SLX4IP: variants seen among roughly 807,000 people sequenced by gnomAD.
The protein encoded by SLX4IP is SLX4 interacting protein.
SLX4IP carries 34 observed loss-of-function variants against 32.9 expected under a neutral mutation model. The ratio of observed to expected loss-of-function variants is 1.03; its 90% CI spans 0.79 to 1.38. The LOEUF is 1.38. Among genes scored for constraint, SLX4IP ranks in the 40% most tolerant of loss-of-function variants. SLX4IP has a pLI of 0.00. For missense variants in SLX4IP, 444 were observed against 479.0 expected (o/e 0.93, Z 0.68); for synonymous variants, 172 against 171.7 (o/e 1.00, Z -0.01).
intron 2 of SLX4IP, among the ~76,000 whole-genome samples, chr20:10,530,296 C>CAG (rs2065977809): frequency 6.6e-6 from 1 of 152,130 alleles, no homozygotes; most frequent in Non-Finnish European, 1.5e-5. Flanking sequence ...TTAGATAATC[C>CAG]AGTGAATCTT....
chr20:10,561,217 ATTTC>A (rs1251974147), intron 4 of SLX4IP, among the ~76,000 whole-genome samples: 1 of 152,116 alleles, frequency 6.6e-6, no homozygotes, highest in Admixed American at 6.5e-5. Context: ...AGCATTTATC[ATTTC>A]TTTGTGTTGT....
chr20:10,588,324 T>C (rs778442573), intron 4 of SLX4IP, among the ~76,000 whole-genome samples: 12 of 152,172 alleles, frequency 7.9e-5, no homozygotes, highest in Non-Finnish European at 2.9e-5. Flanking sequence ...CTCATACCTG[T>C]TAGAATGGCT....
chr20:10,515,459 A>G (rs2065842293), intron 2 of SLX4IP, among the ~76,000 whole-genome samples: 1 of 152,182 alleles, frequency 6.6e-6, no homozygotes, highest in Admixed American at 6.5e-5. Context: ...GTTGCTTTCC[A>G]AAGCTCAGAA....
intron 2 of SLX4IP, among the ~76,000 whole-genome samples, chr20:10,480,175 T>TC (rs1362661096): frequency 2.0e-5 from 3 of 152,182 alleles, no homozygotes; most frequent in Non-Finnish European, 4.4e-5. Flanking sequence ...GGCAGAACGC[T>TC]TGAACCCAGG....
At chr20:10,523,430 CT>C (rs2065915449) in intron 2 of SLX4IP, among the ~76,000 whole-genome samples, 1 of 152,196 alleles carries the variant, frequency 6.6e-6, no homozygotes, top group African/African-American at 2.4e-5. Flanking sequence ...CAATTGACCT[CT>C]GTATATAGAC....
At chr20:10,565,965 C>A (rs1453148769) in intron 4 of SLX4IP, among the ~76,000 whole-genome samples, 2 of 152,218 alleles carry the variant, frequency 1.3e-5, no homozygotes, top group Non-Finnish European at 2.9e-5. Context: ...TGCCAACAAA[C>A]CTTAAATAAA....
chr20:10,482,146 TC>T (rs1477079493), intron 2 of SLX4IP, among the ~76,000 whole-genome samples: 6 of 152,338 alleles, frequency 3.9e-5, no homozygotes, highest in African/African-American at 1.4e-4. Flanking sequence ...GAAGCTGTCT[TC>T]CAAGCTCCCT....
intron 6 of SLX4IP, among the ~76,000 whole-genome samples, chr20:10,621,011 A>G (rs569758558): frequency 6.6e-6 from 1 of 152,326 alleles, no homozygotes; most frequent in East Asian, 1.9e-4. Context: ...TCACAGCCTG[A>G]GCCTCACAGA....
chr20:10,580,449 C>T (rs1445389975), intron 4 of SLX4IP, among the ~76,000 whole-genome samples: 1 of 151,752 alleles, frequency 6.6e-6, no homozygotes, highest in Non-Finnish European at 1.5e-5. Context: ...TTGAGGATCT[C>T]CCTCCTCCCA....
chr20:10,599,541 G>T (rs1274871472), intron 5 of SLX4IP, among the ~76,000 whole-genome samples: 1 of 150,996 alleles, frequency 6.6e-6, no homozygotes, highest in African/African-American at 2.4e-5. Context: ...CCACAGGTGT[G>T]TGCCACCATG....
intron 2 of SLX4IP, among the ~76,000 whole-genome samples, chr20:10,481,618 C>A (rs750010959): frequency 2.0e-5 from 3 of 152,152 alleles, no homozygotes; most frequent in Non-Finnish European, 4.4e-5. Context: ...GCTATAGTAA[C>A]GCTGACTTTG....
intron 2 of SLX4IP, among the ~76,000 whole-genome samples, chr20:10,508,336 G>T (rs1268383314): frequency 6.6e-6 from 1 of 152,220 alleles, no homozygotes; most frequent in African/African-American, 2.4e-5. Flanking sequence ...TAGCATTCCT[G>T]TAGCATGATT....
At chr20:10,613,656 G>T in intron 6 of SLX4IP, 2 of 1,613,680 alleles carry the variant, frequency 1.2e-6, no homozygotes, top group Non-Finnish European at 1.7e-6. Context: ...CCTTTTCTTT[G>T]CATTCATCTT....
At chr20:10,559,065 A>G (rs937072412) in intron 3 of SLX4IP, among the ~76,000 whole-genome samples, 6 of 152,138 alleles carry the variant, frequency 3.9e-5, no homozygotes, top group Admixed American at 3.3e-4. Context: ...TGTCTTTCAC[A>G]TATTTTCTAG....
At chr20:10,457,799 A>G (rs1385698026) in intron 1 of SLX4IP, among the ~76,000 whole-genome samples, 1 of 150,574 alleles carries the variant, frequency 6.6e-6, no homozygotes, top group Non-Finnish European at 1.5e-5. Context: ...CACATTTGAT[A>G]GAATGTAGCA....
intron 2 of SLX4IP, among the ~76,000 whole-genome samples, chr20:10,458,559 C>G (rs2065308115): frequency 6.6e-6 from 1 of 152,034 alleles, no homozygotes; most frequent in Non-Finnish European, 1.5e-5. Flanking sequence ...TGTTTCCCCC[C>G]ATGTGTCTAT....
intron 2 of SLX4IP, among the ~76,000 whole-genome samples, chr20:10,539,699 C>A (rs765753069): frequency 6.6e-6 from 1 of 152,114 alleles, no homozygotes; most frequent in Non-Finnish European, 1.5e-5. Context: ...TATATGTAGT[C>A]TCCAAATTTA....
chr20:10,520,442 C>G (rs557837277), intron 2 of SLX4IP, among the ~76,000 whole-genome samples: 1 of 152,296 alleles, frequency 6.6e-6, no homozygotes, highest in South Asian at 2.1e-4. Flanking sequence ...GATTTGAAAG[C>G]ATTTTCTCCC....
At chr20:10,518,375 CTT>C (rs1457708798) in intron 2 of SLX4IP, among the ~76,000 whole-genome samples, 1 of 151,074 alleles carries the variant, frequency 6.6e-6, no homozygotes, top group African/African-American at 2.4e-5. Context: ...TTCTCTCTCT[CTT>C]TCTTTCCTTC....
Sources: gnomAD v4.1 joint callset for allele counts (sites outside exome capture counted in the v4.1 genomes callset) on GRCh38, gnomAD v4.1.1 for gene constraint, MANE v1.5 for transcripts, NCBI Gene and HGNC (gene_info 2026-07-23, HGNC 2026-07-21) for gene names.